Variants in HERC1 observed in about 807,000 individuals in gnomAD.
HERC1 encodes probable E3 ubiquitin-protein ligase HERC1.
A neutral mutation model predicts 554.3 loss-of-function variants in HERC1; 160 were observed. The ratio of observed to expected loss-of-function variants is 0.29; its 90% CI spans 0.25 to 0.33. The LOEUF (loss-of-function observed/expected upper bound fraction) is 0.33, where lower values mean the gene tolerates loss of function less well. HERC1 is among the 10% of genes least tolerant of loss of function. The pLI is 1.00. For synonymous variants in HERC1, 2,175 were observed against 2,131.7 expected (o/e 1.02, Z -0.56); for missense variants, 4,919 against 5,918.5 (o/e 0.83, Z 5.54).
chr15:63,828,969 T>C (rs1405547675), intron 1 of HERC1, among the ~76,000 whole-genome samples: 1 of 152,228 alleles, frequency 6.6e-6, no homozygotes, highest in Non-Finnish European at 1.5e-5. Flanking sequence ...AACCACTTCA[T>C]GTGTATTCTA....
intron 25 of HERC1, among the ~76,000 whole-genome samples, chr15:63,704,414 C>G (rs1478780923): frequency 6.6e-6 from 1 of 152,074 alleles, no homozygotes; most frequent in Non-Finnish European, 1.5e-5. Flanking sequence ...TGAGAGAAAA[C>G]AATTTTAACC....
chr15:63,738,908 T>C (rs1172117928), intron 12 of HERC1, among the ~76,000 whole-genome samples: 1 of 152,164 alleles, frequency 6.6e-6, no homozygotes, highest in Non-Finnish European at 1.5e-5. Flanking sequence ...ATCATCACAG[T>C]TCCTACTCAC....
chr15:63,656,607 T>G (rs895272438), intron 48 of HERC1, among the ~76,000 whole-genome samples: 2 of 152,210 alleles, frequency 1.3e-5, no homozygotes, highest in Admixed American at 1.3e-4. Flanking sequence ...AAAACAGGAA[T>G]GTTCACAAAG....
intron 12 of HERC1, among the ~76,000 whole-genome samples, chr15:63,736,612 CT>C (rs59109042): frequency 0.77 from 111,502 of 145,406 alleles, 44,343 homozygotes; most frequent in Non-Finnish European, 0.87. Flanking sequence ...ATCACACTCT[CT>C]TTTTTTTTTT....
At chr15:63,707,928 C>CAAAAAAAAAAAAAAAAAAAAAAAA (rs71131176) in intron 24 of HERC1, among the ~76,000 whole-genome samples, 1 of 55,160 alleles carries the variant, frequency 1.8e-5, no homozygotes, top group African/African-American at 6.3e-5. Flanking sequence ...GACTCCCTCT[C>CAAAAAAAAAAAAAAAAAAAAAAAA]AAAAAAAAAA....
Position 63,675,086 on chromosome 15 carries a change from G to C in HERC1, c.7102C>G (p.Pro2368Ala), listed in dbSNP as rs2071126343. 1.9e-6 allele frequency: 3 copies of C among 1,604,692 alleles called. No individual in the cohort carries two copies. The highest frequency in any genetic ancestry group is 2.6e-6 in the Non-Finnish European group (3 of 1,174,004). ...TCACAGGGTTCCAGATTATACAATG[G>C]AGTATCACTAGGCGACCAAAAAGTT... ...FPTFWSPSDT[P>A]LYNLEPCEPL... The change falls in exon 38 of 78, where the codon CCA becomes GCA. Residue 2368 changes from proline (P) to alanine (A), a missense_variant. By Grantham distance (27) the Pro-to-Ala change is conservative. Transcript: ENST00000443617.
intron 76 of HERC1, among the ~76,000 whole-genome samples, chr15:63,615,482 T>G (rs552800808): frequency 6.6e-6 from 1 of 152,312 alleles, no homozygotes; most frequent in South Asian, 2.1e-4. Flanking sequence ...TGGTGACACA[T>G]GCCTGTAGTC....
chr15:63,791,534 G>A (rs1341586102), intron 1 of HERC1, among the ~76,000 whole-genome samples: 1 of 152,158 alleles, frequency 6.6e-6, no homozygotes, highest in African/African-American at 2.4e-5. Context: ...CATCCAACTA[G>A]TAACATTTCC....
At chr15:63,762,787 T>A (rs1009632639) in intron 3 of HERC1, among the ~76,000 whole-genome samples, 18 of 152,204 alleles carry the variant, frequency 1.2e-4, no homozygotes, top group Admixed American at 1.0e-3. Context: ...AATAAGGGAA[T>A]CTCTTCACAA....
chr15:63,670,503 T>C (rs1028669241), intron 39 of HERC1, among the ~76,000 whole-genome samples: 5 of 152,188 alleles, frequency 3.3e-5, no homozygotes, highest in Non-Finnish European at 5.9e-5. Context: ...GTTTTTCCTC[T>C]ACTAAATGAT....
At position 63,747,009 on chromosome 15, in the gene HERC1, A is replaced by G; in HGVS notation, c.2429T>C (p.Val810Ala). ...NHLALALAGGVATSILGRQAG... is the reference protein window; with the variant it reads ...NHLALALAGGAATSILGRQAG... ...CTGCCTCCCGAGAATGCTGGTAGCTACCCCTCCCGCAAGTGCAAGAGCAAG... is the reference window on the plus strand; with the variant it reads ...CTGCCTCCCGAGAATGCTGGTAGCTGCCCCTCCCGCAAGTGCAAGAGCAAG... The change falls in exon 12 of 78, where the codon GTA becomes GCA. Residue 810 changes from valine to alanine, a missense_variant. Physicochemically the swap from Val to Ala is moderately conservative, Grantham distance 64. Transcript: ENST00000443617. 2.5e-6 allele frequency: 4 copies of G among 1,583,816 alleles called. No individual in the cohort carries two copies. The highest frequency in any genetic ancestry group is 3.4e-6 in the Non-Finnish European group (4 of 1,165,188).
chr15:63,652,487 C>A lies in HERC1; in HGVS notation c.10345G>T (p.Asp3449Tyr). 6.2e-7 allele frequency: 1 copy of A among 1,610,024 alleles called. No homozygotes were observed. The highest frequency in any genetic ancestry group is 1.1e-5 in the South Asian group (1 of 90,336). ...KKGLLATSGN[D>Y]GTIRVWNVTK... ...ACATTCCATACGCGGATGGTGCCAT[C>A]ATTGCCACTTGTAGCCAAAAGACCT... Residue 3449 changes from aspartate to tyrosine, a missense_variant, in exon 52 of 78, where the codon GAT (aspartate) becomes TAT (tyrosine). Physicochemically the swap from Asp to Tyr is radical, Grantham distance 160 (BLOSUM62 -3). Around this residue, in one of 11 missense-constraint regions of HERC1, gnomAD observed 1,963 missense variants for 2,228.6 expected, o/e 0.88. Coordinates refer to ENST00000443617, the MANE Select transcript of HERC1 (RefSeq NM_003922.4).
At chr15:63,789,588 A>C (rs1461989056) in intron 1 of HERC1, among the ~76,000 whole-genome samples, 5 of 151,554 alleles carry the variant, frequency 3.3e-5, no homozygotes, top group African/African-American at 1.2e-4. Context: ...ACCCAAGGTC[A>C]GGAGTTCGAG....
At chr15:63,666,218 G>T in intron 41 of HERC1, 68 bp from the exon 42 acceptor site, 1 of 1,427,778 alleles carries the variant, frequency 7.0e-7, no homozygotes, top group South Asian at 1.2e-5. Flanking sequence ...TTATAAGAGT[G>T]TTTGCTATGA....
intron 39 of HERC1, among the ~76,000 whole-genome samples, chr15:63,671,117 C>T (rs992369969): frequency 2.0e-5 from 3 of 150,708 alleles, no homozygotes; most frequent in Non-Finnish European, 4.4e-5. Flanking sequence ...GCAGGAGAAT[C>T]GCTTGAACTC....
chr15:63,732,774 A>G (rs992023263), intron 14 of HERC1, 150 bp downstream of exon 14: 9 of 602,478 alleles, frequency 1.5e-5, no homozygotes, highest in Non-Finnish European at 2.7e-5. Flanking sequence ...TGTCCCCACA[A>G]TATTTCAGAA....
intron 19 of HERC1, among the ~76,000 whole-genome samples, chr15:63,721,280 T>A (rs2073807493): frequency 6.6e-6 from 1 of 152,146 alleles, no homozygotes. Context: ...TCCCAGCACT[T>A]TGGGAAGCCG....
chr15:63,829,942 T>C (rs2078100430), intron 1 of HERC1, among the ~76,000 whole-genome samples: 1 of 151,964 alleles, frequency 6.6e-6, no homozygotes, highest in Non-Finnish European at 1.5e-5. Context: ...CACACTAATA[T>C]AAACAAATAA....
At position 63,790,509 on chromosome 15, in the gene HERC1, C is replaced by T. The variant is rs148807778; in HGVS notation, c.-26-14860G>A. ...AGGAGAATGGCATGAACCAGGGAGG[C>T]GGAGCTTGCAGTGAGCCGAGATCGC... is the stretch of plus-strand genomic sequence containing the variant. On this transcript the variant is annotated intron_variant, in intron 1 of 77. Transcript: ENST00000443617. Among the ~76,000 whole-genome samples, 517 of 151,916 alleles carry T rather than the reference C, an allele frequency of 3.4e-3. 4 individuals are homozygous for T. The highest frequency in any genetic ancestry group is 6.4e-3 in the South Asian group (31 of 4,810).
Sources: gnomAD v4.1 joint callset for allele counts (sites outside exome capture counted in the v4.1 genomes callset) on GRCh38, gnomAD v4.1.1 for gene constraint, gnomAD v4.1.1 regional missense constraint, MANE v1.5 for transcripts, NCBI Gene and HGNC (gene_info 2026-07-23, HGNC 2026-07-21) for gene names.